Variants in JAM2 observed in about 807,000 individuals in gnomAD.
JAM2 encodes the protein junctional adhesion molecule 2.
Under a neutral mutation model 42.0 loss-of-function variants are expected in JAM2, and 17 were observed. The ratio of observed to expected loss-of-function variants is 0.40; its 90% confidence interval spans 0.28 to 0.61. The LOEUF is 0.61. JAM2 is among the 20% of genes least tolerant of loss of function. The probability of loss-of-function intolerance (pLI) is 0.37; values close to 1 mark genes in which losing one functional copy is unlikely to be tolerated. For synonymous variants in JAM2, 118 were observed against 128.6 expected, an observed-to-expected ratio of 0.92 and a Z score of 0.56; for missense variants, 319 against 358.3, an observed-to-expected ratio of 0.89 and a Z score of 0.89.
At chr21:25,683,684 C>T (rs1424351790) in intron 1 of JAM2, among the ~76,000 whole-genome samples, 199 bp from the exon 2 acceptor site, 1 of 152,062 alleles carries the variant, frequency 6.6e-6, no homozygotes, top group African/African-American at 2.4e-5. Flanking sequence ...GCTTAAAGGC[C>T]AAAGCTACAA....
At chr21:25,709,344 A>G (rs990833769) in intron 7 of JAM2, 90 bp from the exon 8 acceptor site, 8 of 719,432 alleles carry the variant, frequency 1.1e-5, no homozygotes, top group African/African-American at 5.3e-5. Flanking sequence ...AAATTAATAA[A>G]AATAAATTAA....
intron 7 of JAM2, among the ~76,000 whole-genome samples, chr21:25,706,839 A>G (rs1468497509): frequency 6.6e-6 from 1 of 152,080 alleles, no homozygotes. Context: ...TCCCAGGTTC[A>G]CACCATTCTC....
chr21:25,680,534 A>C (rs2033604851), intron 1 of JAM2, among the ~76,000 whole-genome samples: 1 of 152,346 alleles, frequency 6.6e-6, no homozygotes, highest in Non-Finnish European at 1.5e-5. Flanking sequence ...GATTTGTAAA[A>C]ATAAGACAAA....
intron 1 of JAM2, among the ~76,000 whole-genome samples, chr21:25,683,497 A>T (rs2123368680): frequency 6.6e-6 from 1 of 152,338 alleles, no homozygotes; most frequent in East Asian, 1.9e-4. Flanking sequence ...AAAGCTATTT[A>T]TACTTTTAAA....
chr21:25,640,795 C>CCTTTCT (rs2032412653), intron 1 of JAM2, among the ~76,000 whole-genome samples: 2 of 151,052 alleles, frequency 1.3e-5, no homozygotes, highest in African/African-American at 2.5e-5. Flanking sequence ...TTCCTCCCTT[C>CCTTTCT]CTTTCTCTTT....
rs150117462 is a variant in JAM2, at chr21:25,692,642, CTTA to C, written c.242-1106_242-1104del. On this transcript the variant is annotated intron_variant, in intron 3 of 9. Transcript: ENST00000480456. ...TTAAATAAAAACATACATGAATGAACTTATTATTATGACCAACTTTACTGTTTT... is the reference window on the plus strand; with the variant it reads ...TTAAATAAAAACATACATGAATGAACTTATTATGACCAACTTTACTGTTTT... 817 of 152,212 alleles carry C rather than the reference CTTA, an allele frequency of 5.4e-3. 2 individuals are homozygous for C. Among genetic ancestry groups the C allele is most frequent in the African/African-American group, 0.018 (732 of 41,524 alleles). 9.4% of individuals were successfully genotyped at this position (152,212 alleles called of 1,614,324 possible). A position where few individuals can be genotyped will look rare whatever the true frequency, so the allele number is the denominator to read the frequency against.
At chr21:25,655,846 AGAAATGCAAATTATGTTT>A (rs2032924404) in intron 1 of JAM2, among the ~76,000 whole-genome samples, 1 of 151,498 alleles carries the variant, frequency 6.6e-6, no homozygotes, top group Middle Eastern at 3.4e-3. Flanking sequence ...AGTCAGTATA[AGAAATGCAAATTATGTTT>A]GAATAGTCCC....
rs142824938 is a variant in JAM2, at chr21:25,665,586, A to T, written c.68-18297A>T. ...GTGATTATGGAGGCAAGCAAGCTAC[A>T]GACCCAGGAATTGCCAAGGCTGCAG... On this transcript the variant is annotated intron_variant, in intron 1 of 9. Coordinates refer to ENST00000480456, the MANE Select transcript of JAM2 (RefSeq NM_021219.4). Among the ~76,000 whole-genome samples the T allele has an allele frequency of 3.3e-3, 509 of 152,328 alleles. 1 individual carries two copies. Among genetic ancestry groups the T allele is most frequent in the Non-Finnish European group, 5.7e-3 (390 of 68,026 alleles).
At chr21:25,692,642 C>T (rs1333627577) in intron 3 of JAM2, 1 of 152,098 alleles carries the variant, frequency 6.6e-6, no homozygotes. Flanking sequence ...CATGAATGAA[C>T]TTATTATTAT....
intron 4 of JAM2, among the ~76,000 whole-genome samples, chr21:25,694,872 C>A (rs191793757): frequency 6.6e-6 from 1 of 150,800 alleles, no homozygotes; most frequent in African/African-American, 2.4e-5. Flanking sequence ...CTGATAGTAA[C>A]AGCTCAAGAT....
chr21:25,679,598 T>C (rs2033581011), intron 1 of JAM2, among the ~76,000 whole-genome samples: 2 of 152,332 alleles, frequency 1.3e-5, no homozygotes, highest in East Asian at 1.9e-4. Flanking sequence ...CAAAGAATGA[T>C]TGAGTGCCAG....
intron 1 of JAM2, among the ~76,000 whole-genome samples, chr21:25,681,718 C>T (rs2033635619): frequency 6.6e-6 from 1 of 152,178 alleles, no homozygotes; most frequent in Non-Finnish European, 1.5e-5. Context: ...CACAGTGGCT[C>T]ACGCCTGTAA....
In JAM2 at chr21:25,693,946, C is replaced by G. The variant is rs148388694; in HGVS notation, c.394+38C>G. On this transcript the variant is annotated intron_variant, in intron 4 of 9. Coordinates refer to ENST00000480456, the MANE Select transcript of JAM2 (RefSeq NM_021219.4). ...TATGTGTGTGACTACGTCTCCCACT[C>G]CTTCTCCACCACCCAGCCCTGGGGG... 6.8e-4 allele frequency: 1,088 copies of G among 1,596,322 alleles called. 7 individuals are homozygous for G. The African/African-American group carries it at 0.013, about 19-fold the overall frequency.
At chr21:25,684,398 A>G (rs2033703842) in intron 2 of JAM2, among the ~76,000 whole-genome samples, 3 of 152,224 alleles carry the variant, frequency 2.0e-5, no homozygotes, top group Admixed American at 6.5e-5. Context: ...TTAAGAGCAT[A>G]AAGTTTCTGT....
chr21:25,650,958 A>G (rs1352141455), intron 1 of JAM2, among the ~76,000 whole-genome samples: 1 of 152,032 alleles, frequency 6.6e-6, no homozygotes, highest in African/African-American at 2.4e-5. Flanking sequence ...TTGAGGGAAA[A>G]ATGGATCAGA....
chr21:25,648,935 G>A (rs1480297134), intron 1 of JAM2, among the ~76,000 whole-genome samples: 1 of 152,114 alleles, frequency 6.6e-6, no homozygotes, highest in East Asian at 1.9e-4. Flanking sequence ...AAAACCTCAA[G>A]ACATATGTAA....
At chr21:25,694,981 T>TC (rs1281274276) in intron 4 of JAM2, among the ~76,000 whole-genome samples, 2 of 147,090 alleles carry the variant, frequency 1.4e-5, no homozygotes, top group African/African-American at 2.7e-5. Flanking sequence ...TTTCTTTCTT[T>TC]TTTTTTTTTT....
intron 1 of JAM2, among the ~76,000 whole-genome samples, chr21:25,666,042 A>AAAT (rs770739924): frequency 9.2e-5 from 14 of 151,998 alleles, no homozygotes; most frequent in Non-Finnish European, 1.9e-4. Flanking sequence ...ACCATCTCAA[A>AAAT]AATAATAATA....
At chr21:25,667,069 T>C (rs1301204252) in intron 1 of JAM2, among the ~76,000 whole-genome samples, 1 of 152,244 alleles carries the variant, frequency 6.6e-6, no homozygotes, top group Non-Finnish European at 1.5e-5. Flanking sequence ...CATTATATCA[T>C]AGTCTCCCCT....
Sources: allele counts gnomAD v4.1 joint callset (sites outside exome capture counted in the v4.1 genomes callset), GRCh38; gene constraint gnomAD v4.1.1; transcripts MANE v1.5; gene names NCBI Gene and HGNC (gene_info 2026-07-23, HGNC 2026-07-21).